The following OSR2 variants were observed in gnomAD, a reference collection of about 807,000 sequenced individuals.
The protein encoded by OSR2 is odd-skipped related transciption factor 2.
In OSR2, 8 loss-of-function variants were observed where a neutral mutation model predicts 22.3. The observed-to-expected ratio is 0.36, with a 90% confidence interval of 0.21 to 0.65. The LOEUF is 0.65. OSR2 is among the 30% of genes least tolerant of loss of function. The probability of loss-of-function intolerance (pLI) is 0.66; values close to 1 mark genes in which losing one functional copy is unlikely to be tolerated. For synonymous variants in OSR2, 179 were observed against 173.8 expected (o/e 1.03, Z -0.23); for missense variants, 311 against 413.4 (o/e 0.75, Z 2.15).
At chr8:98,944,885 AAG>A (rs1322092846) in intron 1 of OSR2, 62 bp downstream of exon 1, 1 of 152,150 alleles carries the variant, frequency 6.6e-6, no homozygotes, top group Non-Finnish European at 1.5e-5. Flanking sequence ...TTGGGGGTGT[AAG>A]AGGCGTTCAG....
intron 2 of OSR2, 33 bp from the exon 3 acceptor site, chr8:98,950,623 G>A (rs951847412): frequency 6.9e-7 from 1 of 1,445,688 alleles, no homozygotes; most frequent in African/African-American, 1.4e-5. Context: ...ATGGGGCAAA[G>A]TTATTTCAAT....
Position 98,948,388 on chromosome 8 carries a change from T to C in OSR2, c.-114-451T>C. The C allele has an allele frequency of 6.8e-7, 1 of 1,464,318 alleles. No homozygotes were observed. Among genetic ancestry groups the C allele is most frequent in the South Asian group, 1.3e-5 (1 of 75,828 alleles). 90.7% of individuals were successfully genotyped at this position (1,464,318 alleles called of 1,614,324 possible). On this transcript the variant is annotated intron_variant, in intron 1 of 3. Transcript: ENST00000297565. This position sits in a 1 kb window ranked among gnomAD's most constrained non-coding sequence, Gnocchi z 6.0. The stretch of plus-strand genomic sequence containing the variant: ...TCACGACCCATCCGTTAACCCACCG[T>C]TCCCAGGAGCTCCGAGGCGCAGCGG...
intron 3 of OSR2, 26 bp from the exon 4 acceptor site, chr8:98,951,493 C>T: frequency 6.4e-7 from 1 of 1,554,832 alleles, no homozygotes; most frequent in Non-Finnish European, 8.7e-7. Context: ...AAGGATTAAT[C>T]CTTTGCTTGC....
chr8:98,948,408 C>A lies in OSR2; in HGVS notation c.-114-431C>A. On this transcript the variant is annotated intron_variant, in intron 1 of 3. Transcript: ENST00000297565. The surrounding 1 kb of genome is among the most constrained non-coding windows in gnomAD (Gnocchi z 6.0). The stretch of plus-strand genomic sequence containing the variant: ...CACCGTTCCCAGGAGCTCCGAGGCG[C>A]AGCGGCGACAGAGGTTCGCCCCGGC... The A allele has an allele frequency of 4.3e-6, 6 of 1,408,792 alleles. No homozygotes were observed. Among genetic ancestry groups the A allele is most frequent in the Non-Finnish European group, 5.5e-6 (6 of 1,081,888 alleles). 87.3% of individuals were successfully genotyped at this position (1,408,792 alleles called of 1,614,324 possible).
chr8:98,950,472 AT>A (rs764609603), intron 2 of OSR2, among the ~76,000 whole-genome samples, 183 bp from the exon 3 acceptor site: 3 of 152,106 alleles, frequency 2.0e-5, no homozygotes, highest in Non-Finnish European at 4.4e-5. Context: ...GCTGGTGAAT[AT>A]TTTGAAGAGA....
rs374378552 is a variant in OSR2, at chr8:98,949,528, G to A, written c.576G>A (p.Arg192=). 3.7e-6 allele frequency: 6 copies of A among 1,614,036 alleles called. No homozygotes were observed. Among genetic ancestry groups the A allele is most frequent in the Non-Finnish European group, 5.1e-6 (6 of 1,180,000 alleles). Reference sequence around the variant, plus strand: ...CCTACAATTTGCTCATCCATGAGAGGACCCACACGGACGAGAGGCCGTACA... The same window carrying A: ...CCTACAATTTGCTCATCCATGAGAGAACCCACACGGACGAGAGGCCGTACA... ...TKSYNLLIHE[R]THTDERPYTC... is the part of the protein sequence containing the mutation. Residue 192 remains arginine, a synonymous_variant, in exon 2 of 4, where the codon AGG becomes AGA. Coordinates refer to ENST00000297565, the MANE Select transcript of OSR2 (RefSeq NM_001142462.3). The surrounding 1 kb of genome is among the most constrained non-coding windows in gnomAD (Gnocchi z 5.9).
chr8:98,948,438 T>C lies in OSR2; in HGVS notation c.-114-401T>C. ...GCGACAGAGGTTCGCCCCGGCCTGC[T>C]AGCATTGGCATTGCGGTTGACTGAG... On this transcript the variant is annotated intron_variant, in intron 1 of 3. Transcript: ENST00000297565. This position sits in a 1 kb window ranked among gnomAD's most constrained non-coding sequence, Gnocchi z 6.0. 6 of 1,319,796 alleles carry C rather than the reference T, an allele frequency of 4.5e-6. No homozygotes were observed. Among genetic ancestry groups the C allele is most frequent in the Non-Finnish European group, 4.8e-6 (5 of 1,042,860 alleles). The allele number at this position is 1,319,796 out of a possible 1,614,324, so 81.8% of individuals were successfully genotyped here. A position where few individuals can be genotyped will look rare whatever the true frequency, so the allele number is the denominator to read the frequency against.
chr8:98,948,286 T>C lies in OSR2; in HGVS notation c.-114-553T>C. The C allele has an allele frequency of 6.6e-7, 1 of 1,522,006 alleles. No homozygotes were observed. Among genetic ancestry groups the C allele is most frequent in the Non-Finnish European group, 8.8e-7 (1 of 1,138,590 alleles). 94.3% of individuals were successfully genotyped at this position (1,522,006 alleles called of 1,614,324 possible). A position where few individuals can be genotyped will look rare whatever the true frequency, so the allele number is the denominator to read the frequency against. On this transcript the variant is annotated intron_variant, in intron 1 of 3. Coordinates refer to ENST00000297565, the MANE Select transcript of OSR2 (RefSeq NM_001142462.3). This position sits in a 1 kb window ranked among gnomAD's most constrained non-coding sequence, Gnocchi z 6.0. ...AGGATGAAGCGCGCCGGCTTCGCTC[T>C]TGCACGCCGGCTTGCCATCCGGGTA...
chr8:98,947,176 T>C (rs1043045982), intron 1 of OSR2, among the ~76,000 whole-genome samples: 1 of 151,350 alleles, frequency 6.6e-6, no homozygotes, highest in African/African-American at 2.4e-5. Context: ...CCACCTCTCA[T>C]TAACTCTTAG....
In OSR2 at chr8:98,951,810, C is replaced by T. The variant is rs965892523; in HGVS notation, c.*109C>T. 3.5e-6 allele frequency: 4 copies of T among 1,134,294 alleles called. No individual in the cohort carries two copies. The African/African-American group carries it at 6.3e-5, about 18-fold the overall frequency. 70.3% of individuals were successfully genotyped at this position (1,134,294 alleles called of 1,614,324 possible). On this transcript the variant is annotated 3_prime_UTR_variant, in exon 4 of 4. Coordinates refer to ENST00000297565, the MANE Select transcript of OSR2 (RefSeq NM_001142462.3). ...TAGCCCTTCACTGACCCCAGCTCTT[C>T]CCTTGCTGCAGCCGCACCTGCAGCT...
Position 98,949,003 on chromosome 8 carries a change from G to A in OSR2, c.51G>A (p.Gln17=). The A allele has an allele frequency of 3.1e-6, 5 of 1,613,966 alleles. No homozygotes were observed. The highest frequency in any genetic ancestry group is 4.2e-6 in the Non-Finnish European group (5 of 1,179,910). The change falls in exon 2 of 4, where the codon CAG becomes CAA. Residue 17 remains glutamine (Q), a synonymous_variant. Coordinates refer to ENST00000297565, the MANE Select transcript of OSR2 (RefSeq NM_001142462.3). This position sits in a 1 kb window ranked among gnomAD's most constrained non-coding sequence, Gnocchi z 5.9. ...PAPIPLHPSL[Q]LTNYSFLQAV... is the part of the protein sequence containing the mutation. The stretch of plus-strand genomic sequence containing the variant: ...CCATCCCGCTCCACCCGTCGCTGCA[G>A]CTCACCAATTACTCCTTCCTGCAGG...
At chr8:98,951,443 A>T (rs537085697) in intron 3 of OSR2, 76 bp from the exon 4 acceptor site, 39 of 1,379,886 alleles carry the variant, frequency 2.8e-5, no homozygotes, top group Non-Finnish European at 3.4e-5. Context: ...TGTGATAACG[A>T]TAAGACAGAA....
Position 98,949,659 on chromosome 8 carries a change from G to A in OSR2, c.656+51G>A. ...GGAGAGGGAAAGCGAATTTGTCCTGGACACACCGAGTCCTGATAGACATTC... is the reference window on the plus strand; with the variant it reads ...GGAGAGGGAAAGCGAATTTGTCCTGAACACACCGAGTCCTGATAGACATTC... On this transcript the variant is annotated intron_variant, in intron 2 of 3. Transcript: ENST00000297565. The surrounding 1 kb of genome is among the most constrained non-coding windows in gnomAD (Gnocchi z 5.9). The A allele has an allele frequency of 6.4e-7, 1 of 1,556,120 alleles. No homozygotes were observed. Among genetic ancestry groups the A allele is most frequent in the Non-Finnish European group, 8.7e-7 (1 of 1,148,794 alleles).
chr8:98,949,237 C>G lies in OSR2; in HGVS notation c.285C>G (p.Phe95Leu), dbSNP rs755092691. The G allele has an allele frequency of 1.3e-6, 2 of 1,597,974 alleles. No individual in the cohort carries two copies. The highest frequency in any genetic ancestry group is 2.7e-5 in the African/African-American group (2 of 74,630). The change falls in exon 2 of 4, where the codon TTC becomes TTG. Residue 95 changes from phenylalanine (F) to leucine (L), a missense_variant. Phe to Leu is a conservative substitution (Grantham distance 22). Coordinates refer to ENST00000297565, the MANE Select transcript of OSR2 (RefSeq NM_001142462.3). This position sits in a 1 kb window ranked among gnomAD's most constrained non-coding sequence, Gnocchi z 5.9. ...CCCTGCCTTTTACCACCCACCTATT[C>G]CACCCCAAGCAGGGGGCCATTGCCC... Reference protein sequence around the residue: ...FPALPFTTHLFHPKQGAIAHV... With the variant: ...FPALPFTTHLLHPKQGAIAHV...
At position 98,949,100 on chromosome 8, in the gene OSR2, C is replaced by T; in HGVS notation, c.148C>T (p.His50Tyr). The change falls in exon 2 of 4, where the codon CAC becomes TAC. Residue 50 changes from histidine (H) to tyrosine (Y), a missense_variant. Transcript: ENST00000297565. This position sits in a 1 kb window ranked among gnomAD's most constrained non-coding sequence, Gnocchi z 5.9. ...LYGLSAVQTM[H>Y]MNHWTLGYPN... Reference sequence around the variant, plus strand: ...CGGTCTCAGCGCGGTACAGACCATGCACATGAACCACTGGACGCTGGGGTA... The same window carrying T: ...CGGTCTCAGCGCGGTACAGACCATGTACATGAACCACTGGACGCTGGGGTA... 6.2e-7 allele frequency: 1 copy of T among 1,613,930 alleles called. No individual in the cohort carries two copies. The highest frequency in any genetic ancestry group is 8.5e-7 in the Non-Finnish European group (1 of 1,179,890).
At chr8:98,947,909 G>T (rs1000315856) in intron 1 of OSR2, among the ~76,000 whole-genome samples, 12 of 152,188 alleles carry the variant, frequency 7.9e-5, no homozygotes, top group African/African-American at 2.7e-4. Context: ...CGGGTGGAGG[G>T]ATGTAGGGGT....
chr8:98,949,704 C>A lies in OSR2; in HGVS notation c.656+96C>A. On this transcript the variant is annotated intron_variant, in intron 2 of 3. Coordinates refer to ENST00000297565, the MANE Select transcript of OSR2 (RefSeq NM_001142462.3). The surrounding 1 kb of genome is among the most constrained non-coding windows in gnomAD (Gnocchi z 5.9). Reference sequence around the variant, plus strand: ...ACATTCCCAGTGTCATTATAATCCCCTGTGATCTAAAATACACCCTCAGTC... The same window carrying A: ...ACATTCCCAGTGTCATTATAATCCCATGTGATCTAAAATACACCCTCAGTC... The A allele has an allele frequency of 1.4e-6, 2 of 1,417,824 alleles. No homozygotes were observed. Among genetic ancestry groups the A allele is most frequent in the East Asian group, 2.3e-5 (1 of 43,226 alleles). 87.8% of individuals were successfully genotyped at this position (1,417,824 alleles called of 1,614,324 possible).
At chr8:98,945,683 G>A (rs957523575) in intron 1 of OSR2, among the ~76,000 whole-genome samples, 29 of 152,210 alleles carry the variant, frequency 1.9e-4, no homozygotes, top group Admixed American at 6.5e-5. Flanking sequence ...GAAGGCAGAG[G>A]CGCTCTGAAG....
Position 98,948,625 on chromosome 8 carries a change from A to G in OSR2, c.-114-214A>G, listed in dbSNP as rs1409004045. The G allele has an allele frequency of 2.1e-6, 2 of 974,798 alleles. No homozygotes were observed. Among genetic ancestry groups the G allele is most frequent in the East Asian group, 2.7e-5 (1 of 37,366 alleles). 60.4% of individuals were successfully genotyped at this position (974,798 alleles called of 1,614,324 possible). On this transcript the variant is annotated intron_variant, in intron 1 of 3. Coordinates refer to ENST00000297565, the MANE Select transcript of OSR2 (RefSeq NM_001142462.3). This position sits in a 1 kb window ranked among gnomAD's most constrained non-coding sequence, Gnocchi z 6.0. ...TCTTTCCTTTGGGCACGCGCTCGCC[A>G]GTGGAGCACTTCTTGTTCTGGCCCC...
Sources: allele counts gnomAD v4.1 joint callset (sites outside exome capture counted in the v4.1 genomes callset), GRCh38; gene constraint gnomAD v4.1.1; non-coding constraint Gnocchi (gnomAD v3.1); transcripts MANE v1.5; gene names NCBI Gene and HGNC (gene_info 2026-07-23, HGNC 2026-07-21).